The following NHSL1 variants were observed in gnomAD, a reference collection of about 807,000 sequenced individuals.
The protein encoded by NHSL1 is NHS-like protein 1.
A neutral mutation model predicts 95.0 loss-of-function variants in NHSL1; 48 were observed. That is an observed-to-expected ratio of 0.51 (90% CI 0.40 to 0.64). The LOEUF (loss-of-function observed/expected upper bound fraction) is 0.64. Ranked by LOEUF, NHSL1 falls within the 30% of genes least tolerant of loss-of-function variation. The pLI, the probability that NHSL1 is intolerant of heterozygous loss-of-function variation, is 0.00. For missense variants in NHSL1, 1,971 were observed against 2,077.7 expected (o/e 0.95, Z 1.00); for synonymous variants, 783 against 833.9 (o/e 0.94, Z 1.05).
intron 1 of NHSL1, among the ~76,000 whole-genome samples, chr6:138,555,764 G>A (rs990803740): frequency 6.6e-6 from 1 of 152,180 alleles, no homozygotes; most frequent in Non-Finnish European, 1.5e-5. Context: ...GCTCTGTAAG[G>A]TCAGAAAAGG....
rs995365027 is a variant in NHSL1 at position 138,427,578 on chromosome 6, C to T, written c.4085+2133G>A. On this transcript the variant is annotated intron_variant, in intron 7 of 7. Transcript: ENST00000343505. ...CATATACATACACAACACACACACACGAATATGTATTTTTAATGAAGAGAG... is the reference window on the plus strand; with the variant it reads ...CATATACATACACAACACACACACATGAATATGTATTTTTAATGAAGAGAG... Among the ~76,000 whole-genome samples, 55 of 152,010 alleles carry T rather than the reference C, an allele frequency of 3.6e-4. 1 individual carries two copies. Among genetic ancestry groups the T allele is most frequent in the Non-Finnish European group, 5.3e-4 (36 of 68,032 alleles).
At chr6:138,462,712 G>A (rs371953580) in intron 3 of NHSL1, among the ~76,000 whole-genome samples, 9 of 152,334 alleles carry the variant, frequency 5.9e-5, no homozygotes, top group Admixed American at 2.6e-4. Context: ...AGCACTTGAG[G>A]CTTGAGGTCA....
intron 1 of NHSL1, among the ~76,000 whole-genome samples, chr6:138,664,921 T>C (rs1216224576): frequency 6.6e-6 from 1 of 152,090 alleles, no homozygotes; most frequent in Non-Finnish European, 1.5e-5. Flanking sequence ...CTTAAGACAT[T>C]CAACTGATTG....
intron 4 of NHSL1, among the ~76,000 whole-genome samples, chr6:138,442,836 ACTT>A (rs1324552697): frequency 1.3e-5 from 2 of 152,140 alleles, no homozygotes; most frequent in Non-Finnish European, 2.9e-5. Flanking sequence ...ACATCATAGG[ACTT>A]CTTTTTTTCC....
intron 2 of NHSL1, among the ~76,000 whole-genome samples, chr6:138,489,037 G>A (rs940114155): frequency 9.2e-5 from 14 of 152,190 alleles, no homozygotes; most frequent in Admixed American, 7.9e-4. Context: ...ATGAACCTGA[G>A]TATTAAGCGT....
chr6:138,691,516 C>T (rs2114810402), intron 1 of NHSL1, among the ~76,000 whole-genome samples: 1 of 152,282 alleles, frequency 6.6e-6, no homozygotes, highest in South Asian at 2.1e-4. Flanking sequence ...GGAGAAAAAA[C>T]TATTTCATCC....
chr6:138,673,048 T>C (rs1785398785), intron 1 of NHSL1, among the ~76,000 whole-genome samples: 1 of 146,170 alleles, frequency 6.8e-6, no homozygotes, highest in Non-Finnish European at 1.5e-5. Flanking sequence ...GATAGATAGA[T>C]AGATAGATAG....
intron 3 of NHSL1, among the ~76,000 whole-genome samples, chr6:138,460,331 G>GT (rs1393129733): frequency 6.6e-6 from 1 of 151,932 alleles, no homozygotes; most frequent in African/African-American, 2.4e-5. Flanking sequence ...AATTACCTAT[G>GT]TATCTCCCAT....
At chr6:138,582,176 C>T (rs112019933) in intron 1 of NHSL1, among the ~76,000 whole-genome samples, 1,656 of 152,118 alleles carry the variant, frequency 0.011, 41 homozygotes, top group African/African-American at 0.038. Context: ...GGATTATAGG[C>T]GTGAGCCACT....
At chr6:138,525,576 T>TAAAA (rs895301781) in intron 1 of NHSL1, among the ~76,000 whole-genome samples, 27 of 136,130 alleles carry the variant, frequency 2.0e-4, no homozygotes, top group South Asian at 4.7e-4. Flanking sequence ...AATAAATAAA[T>TAAAA]AAAAAGGGAA....
Position 138,430,738 on chromosome 6 carries a change from G to A in NHSL1, c.3607C>T (p.Leu1203=), listed in dbSNP as rs1775582219. 1.9e-6 allele frequency: 3 copies of A among 1,551,796 alleles called. No individual in the cohort carries two copies. The highest frequency in any genetic ancestry group is 2.6e-6 in the Non-Finnish European group (3 of 1,147,024). Residue 1203 remains leucine (L), a synonymous_variant, in exon 6 of 8, where the codon CTG becomes TTG. Coordinates refer to ENST00000343505, the MANE Select transcript of NHSL1 (RefSeq NM_001144060.2). This position sits in a 1 kb window ranked among gnomAD's most constrained non-coding sequence, Gnocchi z 4.7. ...TCTTTCTGCGGAGGTGGTACCACCA[G>A]GAACAGTTTGGGCTTCTTGGAAATG... ...PPISKKPKLF[L]VVPPPQKDFA...
chr6:138,460,649 T>C (rs535328803), intron 3 of NHSL1, among the ~76,000 whole-genome samples: 13 of 152,106 alleles, frequency 8.5e-5, no homozygotes, highest in Non-Finnish European at 1.8e-4. Flanking sequence ...TCCATAGATT[T>C]GGGTATTTGT....
chr6:138,519,273 A>C (rs1781578861), intron 1 of NHSL1, among the ~76,000 whole-genome samples: 1 of 152,088 alleles, frequency 6.6e-6, no homozygotes, highest in Non-Finnish European at 1.5e-5. Flanking sequence ...AAGAAAGTGA[A>C]TCTTCAAAAA....
intron 1 of NHSL1, among the ~76,000 whole-genome samples, chr6:138,664,735 G>C (rs77989779): frequency 0.044 from 6,762 of 152,286 alleles, 212 homozygotes; most frequent in South Asian, 0.075. Flanking sequence ...GAAAAAGAAA[G>C]ATTTATTTTT....
In NHSL1 at chr6:138,558,123, T is replaced by C. The variant is rs187193416; in HGVS notation, c.202+13587A>G. 8.9e-4 allele frequency among the ~76,000 whole-genome samples: 136 copies of C among 152,236 alleles called. 1 individual carries two copies. The highest frequency in any genetic ancestry group is 1.4e-3 in the Non-Finnish European group (98 of 67,998). On this transcript the variant is annotated intron_variant, in intron 1 of 6. Coordinates refer to the NHSL1 transcript ENST00000427025. Reference sequence around the variant, plus strand: ...ATCTCTAACCAATTACCAGGGTTTTTTGGGGGGCTTTTTTTTTGAGATGGA... The same window carrying C: ...ATCTCTAACCAATTACCAGGGTTTTCTGGGGGGCTTTTTTTTTGAGATGGA...
chr6:138,448,837 G>A (rs947020626), intron 3 of NHSL1, among the ~76,000 whole-genome samples: 2 of 152,060 alleles, frequency 1.3e-5, no homozygotes, highest in African/African-American at 4.8e-5. Flanking sequence ...CGGATCACCT[G>A]AGGACGGGAG....
rs767124149 is a variant in NHSL1 at position 138,429,760 on chromosome 6, T to C, written c.4036A>G (p.Thr1346Ala). 6 of 1,551,574 alleles carry C rather than the reference T, an allele frequency of 3.9e-6. No homozygotes were observed. The highest frequency in any genetic ancestry group is 2.4e-5 in the East Asian group (1 of 40,896). The change falls in exon 7 of 8, where the codon ACC becomes GCC. Residue 1346 changes from threonine (T) to alanine (A), a missense_variant. By Grantham distance (58) the Thr-to-Ala change is moderately conservative (BLOSUM62 0). Transcript: ENST00000343505. ...TCTGTGGTCCTGGGTCGACTGGGGGTCATTACCTCATCATTCCCGTCTTCC... is the reference window on the plus strand; with the variant it reads ...TCTGTGGTCCTGGGTCGACTGGGGGCCATTACCTCATCATTCCCGTCTTCC... ...LKEDGNDEVMTPSRPRTTEDL... is the reference protein window; with the variant it reads ...LKEDGNDEVMAPSRPRTTEDL...
chr6:138,493,126 G>C lies in NHSL1; in HGVS notation c.211+3093C>G, dbSNP rs571731630. Among the ~76,000 whole-genome samples the C allele has an allele frequency of 2.5e-4, 38 of 152,212 alleles. No homozygotes were observed. The South Asian group carries it at 6.8e-3, about 27-fold the overall frequency. ...CATGTGGTTAAAAGTAAATAACTGA[G>C]AACAAAAGAACTCAGATAATCTTTC... is the stretch of plus-strand genomic sequence containing the variant. On this transcript the variant is annotated intron_variant, in intron 2 of 7. Coordinates refer to ENST00000343505, the MANE Select transcript of NHSL1 (RefSeq NM_001144060.2).
At chr6:138,648,037 CTCT>C (rs1785041668) in intron 1 of NHSL1, among the ~76,000 whole-genome samples, 1 of 152,136 alleles carries the variant, frequency 6.6e-6, no homozygotes. Context: ...ACATTCAAAT[CTCT>C]TCAATTTCAT....
Sources: gnomAD v4.1 joint callset for allele counts (sites outside exome capture counted in the v4.1 genomes callset) on GRCh38, gnomAD v4.1.1 for gene constraint, Gnocchi (gnomAD v3.1) non-coding constraint, MANE v1.5 for transcripts, NCBI Gene and HGNC (gene_info 2026-07-23, HGNC 2026-07-21) for gene names.